GPR39: variants seen among roughly 807,000 people sequenced by gnomAD.
GPR39 encodes zinc sensing receptor.
In GPR39, 23 loss-of-function variants were observed where a neutral mutation model predicts 18.4. That is an observed-to-expected ratio of 1.25 (90% CI 0.90 to 1.77). The LOEUF (loss-of-function observed/expected upper bound fraction) is 1.77, where lower values mean the gene tolerates loss of function less well. GPR39 is among the 40% of genes most tolerant of loss of function. The pLI is 0.00. For synonymous variants in GPR39, 280 were observed against 257.9 expected (o/e 1.09, Z -0.82); for missense variants, 647 against 602.4 (o/e 1.07, Z -0.78).
At chr2:132,609,637 T>G (rs1681206183) in intron 1 of GPR39, among the ~76,000 whole-genome samples, 1 of 152,164 alleles carries the variant, frequency 6.6e-6, no homozygotes, top group Non-Finnish European at 1.5e-5. Flanking sequence ...GGGCTTCTCA[T>G]TGTGAGTTTA....
At chr2:132,518,107 A>C (rs775596537) in intron 1 of GPR39, among the ~76,000 whole-genome samples, 20 of 152,222 alleles carry the variant, frequency 1.3e-4, no homozygotes, top group Non-Finnish European at 2.6e-4. Flanking sequence ...CTCAGTGAAG[A>C]CTTGGTCAAT....
At chr2:132,539,269 T>C (rs3115035) in intron 1 of GPR39, among the ~76,000 whole-genome samples, 62,889 of 151,884 alleles carry the variant, frequency 0.41, 14,614 homozygotes, top group African/African-American at 0.64. Flanking sequence ...TGGGACAGTC[T>C]CTCACGGCTT....
chr2:132,524,779 GAGAAT>G (rs1400307666), intron 1 of GPR39, among the ~76,000 whole-genome samples: 1 of 152,140 alleles, frequency 6.6e-6, no homozygotes. Context: ...AGGAAGCACA[GAGAAT>G]AGTATTATTA....
At chr2:132,607,118 C>A (rs1448728002) in intron 1 of GPR39, among the ~76,000 whole-genome samples, 1 of 152,164 alleles carries the variant, frequency 6.6e-6, no homozygotes, top group Non-Finnish European at 1.5e-5. Context: ...GAAAAGGAAG[C>A]AGGGAGTATT....
chr2:132,564,848 G>T (rs1406891386), intron 1 of GPR39, among the ~76,000 whole-genome samples: 2 of 80,726 alleles, frequency 2.5e-5, no homozygotes, highest in African/African-American at 4.8e-5. Context: ...ACAGAGTCTC[G>T]CTCTATTGCC....
intron 1 of GPR39, among the ~76,000 whole-genome samples, chr2:132,492,999 A>G (rs1216617530): frequency 2.1e-5 from 3 of 143,138 alleles, no homozygotes; most frequent in Admixed American, 7.0e-5. Flanking sequence ...CCATAGATAT[A>G]CCATATATAC....
At chr2:132,478,275 GAATA>G (rs1182955669) in intron 1 of GPR39, among the ~76,000 whole-genome samples, 3 of 152,212 alleles carry the variant, frequency 2.0e-5, no homozygotes, top group Non-Finnish European at 4.4e-5. Context: ...AAGAATTGCT[GAATA>G]AATAAAGTGT....
intron 1 of GPR39, among the ~76,000 whole-genome samples, chr2:132,510,008 C>A (rs555453883): frequency 3.9e-5 from 6 of 152,188 alleles, no homozygotes; most frequent in Non-Finnish European, 7.3e-5. Flanking sequence ...ATTTCCCAAG[C>A]AGTAACTTTA....
At chr2:132,465,338 T>C (rs1465958184) in intron 1 of GPR39, among the ~76,000 whole-genome samples, 1 of 152,220 alleles carries the variant, frequency 6.6e-6, no homozygotes, top group Admixed American at 6.5e-5. Flanking sequence ...ACCAGTCCTC[T>C]GGAGCCCAGG....
At chr2:132,419,124 C>G (rs548839958) in intron 1 of GPR39, among the ~76,000 whole-genome samples, 1 of 152,168 alleles carries the variant, frequency 6.6e-6, no homozygotes, top group Non-Finnish European at 1.5e-5. Flanking sequence ...AAATAATTGC[C>G]CTAATGAATT....
At chr2:132,480,107 A>G (rs1681204845) in intron 1 of GPR39, among the ~76,000 whole-genome samples, 1 of 152,230 alleles carries the variant, frequency 6.6e-6, no homozygotes, top group Admixed American at 6.5e-5. Flanking sequence ...ATCAGATACT[A>G]TAATGTGGAT....
intron 1 of GPR39, among the ~76,000 whole-genome samples, chr2:132,618,840 C>G (rs1681384453): frequency 1.3e-5 from 2 of 152,222 alleles, no homozygotes; most frequent in Non-Finnish European, 2.9e-5. Flanking sequence ...CCCTACGGAA[C>G]TGAGGGCGTT....
intron 1 of GPR39, among the ~76,000 whole-genome samples, chr2:132,457,760 G>T (rs1680756259): frequency 6.6e-6 from 1 of 152,132 alleles, no homozygotes; most frequent in Non-Finnish European, 1.5e-5. Flanking sequence ...AGAGGCAGTA[G>T]GCCTTGTTGA....
chr2:132,641,950 T>C (rs1681864035), intron 1 of GPR39, among the ~76,000 whole-genome samples: 1 of 152,228 alleles, frequency 6.6e-6, no homozygotes, highest in South Asian at 2.1e-4. Flanking sequence ...AGATGTGTCC[T>C]AGCTATTGCA....
At chr2:132,503,583 A>C (rs1432332745) in intron 1 of GPR39, among the ~76,000 whole-genome samples, 1 of 152,166 alleles carries the variant, frequency 6.6e-6, no homozygotes, top group African/African-American at 2.4e-5. Flanking sequence ...GAGTTCATCA[A>C]CTGCAGTTCT....
intron 1 of GPR39, among the ~76,000 whole-genome samples, chr2:132,509,451 G>C (rs75302562): frequency 9.4e-4 from 10 of 10,628 alleles, no homozygotes; most frequent in East Asian, 7.7e-3. Context: ...CACACACACA[G>C]ACACTCACTC....
At chr2:132,464,358 C>G (rs555161918) in intron 1 of GPR39, among the ~76,000 whole-genome samples, 3 of 152,290 alleles carry the variant, frequency 2.0e-5, no homozygotes, top group Admixed American at 6.5e-5. Context: ...CAGGATTGGC[C>G]TATGACGGGC....
chr2:132,496,844 A>C, intron 1 of GPR39, among the ~76,000 whole-genome samples: 1 of 152,138 alleles, frequency 6.6e-6, no homozygotes, highest in South Asian at 2.1e-4. Flanking sequence ...CGGATTAGGG[A>C]GCTCTGATGG....
intron 1 of GPR39, among the ~76,000 whole-genome samples, chr2:132,578,455 A>T (rs1450415958): frequency 2.6e-5 from 4 of 152,100 alleles, no homozygotes; most frequent in African/African-American, 7.2e-5. Context: ...TAGATTTTTT[A>T]AAAATATTTG....
Sources: gnomAD v4.1 joint callset for allele counts (sites outside exome capture counted in the v4.1 genomes callset) on GRCh38, gnomAD v4.1.1 for gene constraint, MANE v1.5 for transcripts, NCBI Gene and HGNC (gene_info 2026-07-23, HGNC 2026-07-21) for gene names.